MESP1: variants seen among roughly 807,000 people sequenced by gnomAD.
The protein encoded by MESP1 is mesoderm posterior bHLH transcription factor 1, also known as mesoderm posterior protein 1.
In MESP1, 22 loss-of-function variants were observed where a neutral mutation model predicts 15.2. The ratio of observed to expected loss-of-function variants is 1.45; its 90% CI spans 1.04 to 2.07. The LOEUF is 2.07. Among genes scored for constraint, MESP1 ranks in the 30% most tolerant of loss-of-function variants. MESP1 has a pLI of 0.00. For missense variants in MESP1, 484 were observed against 411.9 expected (o/e 1.17, Z -1.51); for synonymous variants, 216 against 192.6 (o/e 1.12, Z -1.01).
At chr15:89,736,298 T>C in the MESP1 span, among the ~76,000 whole-genome samples, 2,073 of 152,202 alleles carry the variant, frequency 0.014, 47 homozygotes, top group African/African-American at 0.048. Context: ...ACTTCAGGCC[T>C]GGAGAGAAAG....
At chr15:89,733,298 C>T in the MESP1 span, 3 of 1,349,798 alleles carry the variant, frequency 2.2e-6, no homozygotes, top group Non-Finnish European at 3.1e-6. Context: ...AATCTGACAG[C>T]CTCTCTGACT....
chr15:89,737,454 C>T, the MESP1 span: 12 of 1,345,006 alleles, frequency 8.9e-6, no homozygotes, highest in Admixed American at 2.0e-5. Context: ...GAGGCTGGGG[C>T]CCAAGAGGTT....
chr15:89,733,116 G>A, the MESP1 span: 7 of 1,614,226 alleles, frequency 4.3e-6, no homozygotes, highest in Non-Finnish European at 5.9e-6. Context: ...TGAAGGTCAA[G>A]TGAAATCCCA....
In MESP1 at chr15:89,750,783, C is replaced by G. The variant is rs745528285; in HGVS notation, c.449G>C (p.Arg150Pro). The change falls in exon 1 of 2, where the codon CGG (arginine) becomes CCG (proline). Residue 150 changes from arginine to proline, a missense_variant. Coordinates refer to ENST00000300057, the MANE Select transcript of MESP1 (RefSeq NM_018670.4). Reference protein sequence around the residue: ...LGLSEESLQRRCRQRGDAGSP... With the variant: ...LGLSEESLQRPCRQRGDAGSP... ...CCCCGCGTCACCGCGCTGCCGGCAC[C>G]GGCGCTGGAGACTCTCCTCGCTGAG... 6.6e-7 allele frequency: 1 copy of G among 1,506,482 alleles called. No individual in the cohort carries two copies. Among genetic ancestry groups the G allele is most frequent in the Non-Finnish European group, 8.8e-7 (1 of 1,133,124 alleles). 93.3% of individuals were successfully genotyped at this position (1,506,482 alleles called of 1,614,324 possible). A position where few individuals can be genotyped will look rare whatever the true frequency, so the allele number is the denominator to read the frequency against.
chr15:89,742,484 T>C, the MESP1 span, among the ~76,000 whole-genome samples: 1 of 152,258 alleles, frequency 6.6e-6, no homozygotes, highest in Middle Eastern at 3.4e-3. Flanking sequence ...TGGGCTTCTC[T>C]GATTTTTCTG....
At chr15:89,743,926 G>T in the MESP1 span, among the ~76,000 whole-genome samples, 1 of 152,258 alleles carries the variant, frequency 6.6e-6, no homozygotes, top group Non-Finnish European at 1.5e-5. Context: ...AGGCAGAGTG[G>T]GAGGGAGAGG....
chr15:89,734,273 G>A, the MESP1 span, among the ~76,000 whole-genome samples: 4 of 152,180 alleles, frequency 2.6e-5, no homozygotes, highest in Non-Finnish European at 5.9e-5. Context: ...ACTGGACTCA[G>A]TCCGTTTCTT....
At position 89,750,234 on chromosome 15, in the gene MESP1, G is replaced by A; in HGVS notation, c.724-7C>T. 6.2e-7 allele frequency: 1 copy of A among 1,613,752 alleles called. No individual in the cohort carries two copies. Among genetic ancestry groups the A allele is most frequent in the Non-Finnish European group, 8.5e-7 (1 of 1,179,854 alleles). The stretch of plus-strand genomic sequence containing the variant: ...GCACGTCGCCCGGAAGGAGCTGTAG[G>A]GAGAGACGGAACAGCGCAGCCCTCA... On this transcript the variant is annotated splice_polypyrimidine_tract_variant and splice_region_variant and intron_variant, in intron 1 of 1. Transcript: ENST00000300057.
At chr15:89,742,876 T>A in the MESP1 span, among the ~76,000 whole-genome samples, 1 of 152,216 alleles carries the variant, frequency 6.6e-6, no homozygotes, top group Non-Finnish European at 1.5e-5. Flanking sequence ...ACTGTCTTTA[T>A]AAAAGTTGGA....
chr15:89,750,750 C>A lies in MESP1; in HGVS notation c.482G>T (p.Arg161Leu). ...CRQRGDAGSP[R>L]GCPLCPDDCP... ...GTCGTCGGGGCACAGCGGGCAGCCC[C>A]GAGGGGACCCCGCGTCACCGCGCTG... The change falls in exon 1 of 2, where the codon CGG becomes CTG. Residue 161 changes from arginine to leucine, a missense_variant. Physicochemically the swap from Arg to Leu is moderately radical, Grantham distance 102. Coordinates refer to ENST00000300057, the MANE Select transcript of MESP1 (RefSeq NM_018670.4). The A allele has an allele frequency of 6.8e-7, 1 of 1,475,082 alleles. No homozygotes were observed. Among genetic ancestry groups the A allele is most frequent in the Non-Finnish European group, 8.9e-7 (1 of 1,117,706 alleles). The allele number at this position is 1,475,082 out of a possible 1,614,324, so 91.4% of individuals were successfully genotyped here.
the MESP1 span, chr15:89,737,676 C>T: frequency 3.5e-5 from 57 of 1,614,068 alleles, no homozygotes; most frequent in Non-Finnish European, 3.4e-6. Flanking sequence ...CTGGAGGTCC[C>T]CTGGAAGCCA....
the MESP1 span, among the ~76,000 whole-genome samples, chr15:89,734,188 C>A: frequency 6.6e-6 from 1 of 152,170 alleles, no homozygotes; most frequent in East Asian, 1.9e-4. Flanking sequence ...TGCTAAATAA[C>A]AAACCACCCC....
the MESP1 span, among the ~76,000 whole-genome samples, chr15:89,737,064 T>C: frequency 6.6e-6 from 1 of 152,186 alleles, no homozygotes. Flanking sequence ...GTGCTGGGAT[T>C]ACAGGCATGA....
At chr15:89,736,164 G>T in the MESP1 span, among the ~76,000 whole-genome samples, 1 of 152,348 alleles carries the variant, frequency 6.6e-6, no homozygotes, top group South Asian at 2.1e-4. Flanking sequence ...ATGGAGAGTT[G>T]AGAGATCTCA....
the MESP1 span, chr15:89,735,362 A>T: frequency 1.2e-6 from 1 of 859,390 alleles, no homozygotes; most frequent in Non-Finnish European, 1.9e-6. Context: ...ATTTTTTGCT[A>T]CTATGAACAG....
Position 89,750,204 on chromosome 15 carries a change from A to T in MESP1, c.747T>A (p.Ala249=). ...PSPLLPGDVL[A]LLETWMPLSP... ...AGAGGGGCATCCAGGTCTCCAACAGAGCCAGCACGTCGCCCGGAAGGAGCT... is the reference window on the plus strand; with the variant it reads ...AGAGGGGCATCCAGGTCTCCAACAGTGCCAGCACGTCGCCCGGAAGGAGCT... Residue 249 remains alanine (A), a synonymous_variant, in exon 2 of 2, where the codon GCT becomes GCA. Transcript: ENST00000300057. 1 of 1,614,038 alleles carries T rather than the reference A, an allele frequency of 6.2e-7. No homozygotes were observed. The highest frequency in any genetic ancestry group is 2.2e-5 in the East Asian group (1 of 44,874).
At position 89,750,588 on chromosome 15, in the gene MESP1, T is replaced by C; in HGVS notation, c.644A>G (p.Glu215Gly). 7.1e-7 allele frequency: 1 copy of C among 1,410,210 alleles called. No homozygotes were observed. Among genetic ancestry groups the C allele is most frequent in the Non-Finnish European group, 9.2e-7 (1 of 1,091,546 alleles). The allele number at this position is 1,410,210 out of a possible 1,614,324, so 87.4% of individuals were successfully genotyped here. A position where few individuals can be genotyped will look rare whatever the true frequency, so the allele number is the denominator to read the frequency against. Residue 215 changes from glutamate to glycine, a missense_variant, in exon 1 of 2, where the codon GAG becomes GGG. Transcript: ENST00000300057. ...PACPGARAAP[E>G]PRDPPALFAE... ...GAACAGCGCAGGCGGGTCGCGCGGCTCGGGTGCAGCTCGGGCTCCGGGGCA... is the reference window on the plus strand; with the variant it reads ...GAACAGCGCAGGCGGGTCGCGCGGCCCGGGTGCAGCTCGGGCTCCGGGGCA...
chr15:89,743,746 A>C, the MESP1 span: 1 of 242,564 alleles, frequency 4.1e-6, no homozygotes, highest in Non-Finnish European at 8.2e-6. Flanking sequence ...AGGACCACTC[A>C]CCTCCTAGGC....
the MESP1 span, among the ~76,000 whole-genome samples, chr15:89,733,910 G>C: frequency 3.3e-5 from 5 of 152,170 alleles, no homozygotes; most frequent in Non-Finnish European, 5.9e-5. Context: ...TTCTCCCACA[G>C]TAAACTTCCA....
Sources: allele counts gnomAD v4.1 joint callset (sites outside exome capture counted in the v4.1 genomes callset), GRCh38; gene constraint gnomAD v4.1.1; transcripts MANE v1.5; gene names NCBI Gene and HGNC (gene_info 2026-07-23, HGNC 2026-07-21).